CFAP299: variants seen among roughly 807,000 people sequenced by gnomAD.
CFAP299 encodes cilia- and flagella-associated protein 299.
Under a neutral mutation model 27.0 loss-of-function variants are expected in CFAP299, and 21 were observed. The ratio of observed to expected loss-of-function variants is 0.78; its 90% CI spans 0.55 to 1.12. CFAP299 has a LOEUF of 1.12. Among genes scored for constraint, CFAP299 ranks in the 50% most tolerant of loss-of-function variants. The probability of loss-of-function intolerance (pLI) is 0.00; values close to 1 mark genes in which losing one functional copy is unlikely to be tolerated. For synonymous variants in CFAP299, 104 were observed against 98.1 expected, an observed-to-expected ratio of 1.06 and a Z score of -0.36; for missense variants, 310 against 276.6, an observed-to-expected ratio of 1.12 and a Z score of -0.86.
intron 4 of CFAP299, among the ~76,000 whole-genome samples, chr4:80,885,012 A>G (rs1354248829): frequency 6.6e-6 from 1 of 152,170 alleles, no homozygotes; most frequent in Non-Finnish European, 1.5e-5. Flanking sequence ...ATACCCCAGC[A>G]ACAGTAATAC....
At chr4:80,909,503 A>G (rs1483776778) in intron 4 of CFAP299, among the ~76,000 whole-genome samples, 3 of 152,012 alleles carry the variant, frequency 2.0e-5, no homozygotes, top group Admixed American at 2.0e-4. Flanking sequence ...AACTATAAAT[A>G]TGATATGCAA....
intron 3 of CFAP299, among the ~76,000 whole-genome samples, chr4:80,770,994 T>G (rs1453189730): frequency 6.6e-6 from 1 of 152,164 alleles, no homozygotes; most frequent in African/African-American, 2.4e-5. Flanking sequence ...CTTACTGAAC[T>G]CAAAGTTAAC....
At chr4:80,505,813 A>G (rs1008373235) in intron 2 of CFAP299, among the ~76,000 whole-genome samples, 4 of 152,026 alleles carry the variant, frequency 2.6e-5, no homozygotes, top group African/African-American at 9.7e-5. Flanking sequence ...GCTTAGCTAA[A>G]CAGAGCGGAG....
At chr4:80,763,387 C>A (rs1184970801) in intron 3 of CFAP299, among the ~76,000 whole-genome samples, 1 of 152,126 alleles carries the variant, frequency 6.6e-6, no homozygotes, top group African/African-American at 2.4e-5. Context: ...CCTAGAAACA[C>A]AACTTAAAAG....
At chr4:80,503,255 C>T (rs1310222074) in intron 2 of CFAP299, among the ~76,000 whole-genome samples, 1 of 152,080 alleles carries the variant, frequency 6.6e-6, no homozygotes, top group East Asian at 1.9e-4. Flanking sequence ...TCCCTCTGAT[C>T]TGGTGTTTGG....
At position 80,524,359 on chromosome 4, in the gene CFAP299, T is replaced by C. The variant is rs141852976; in HGVS notation, c.243-58734T>C. ...CCAGAGTTTCTCAGCCTCAGCACTA[T>C]TGACAGTTTGTTTCTAGAGGGAAGC... On this transcript the variant is annotated intron_variant, in intron 2 of 5. Transcript: ENST00000358105. Among the ~76,000 whole-genome samples, 33 of 152,188 alleles carry C rather than the reference T, an allele frequency of 2.2e-4. No homozygotes were observed. In the East Asian group the frequency reaches 6.4e-3, roughly 29 times the overall value.
chr4:80,471,414 T>A (rs943255710), intron 2 of CFAP299, among the ~76,000 whole-genome samples: 2 of 151,856 alleles, frequency 1.3e-5, no homozygotes, highest in Non-Finnish European at 2.9e-5. Context: ...ATATTATGCC[T>A]TAAAATAGTA....
At chr4:80,586,559 CTG>C (rs1736452407) in intron 3 of CFAP299, among the ~76,000 whole-genome samples, 1 of 152,160 alleles carries the variant, frequency 6.6e-6, no homozygotes, top group Admixed American at 6.5e-5. Flanking sequence ...AACTTATAGT[CTG>C]TGCAAACCGC....
chr4:80,591,216 C>G (rs1205887036), intron 3 of CFAP299, among the ~76,000 whole-genome samples: 11 of 147,470 alleles, frequency 7.5e-5, no homozygotes, highest in Non-Finnish European at 1.6e-4. Context: ...CTCCGCCTCC[C>G]GGGTTCACGC....
chr4:80,464,172 C>A (rs1407927823), intron 2 of CFAP299, among the ~76,000 whole-genome samples: 1 of 151,990 alleles, frequency 6.6e-6, no homozygotes, highest in Non-Finnish European at 1.5e-5. Context: ...ATTATAACTC[C>A]CCAAAAATGT....
At chr4:80,826,400 A>T (rs897925323) in intron 3 of CFAP299, among the ~76,000 whole-genome samples, 10 of 151,802 alleles carry the variant, frequency 6.6e-5, no homozygotes, top group Non-Finnish European at 1.3e-4. Context: ...TAGACTAAAC[A>T]TTCCAATCAA....
chr4:80,405,406 TTTTCTC>T (rs1276153583), intron 2 of CFAP299, among the ~76,000 whole-genome samples: 1 of 152,202 alleles, frequency 6.6e-6, no homozygotes, highest in East Asian at 1.9e-4. Flanking sequence ...ATGCTTTTGA[TTTTCTC>T]TTTATGAAAT....
chr4:80,942,289 C>T (rs952555797), intron 4 of CFAP299, among the ~76,000 whole-genome samples: 2 of 152,080 alleles, frequency 1.3e-5, no homozygotes, highest in East Asian at 1.9e-4. Flanking sequence ...AGAGTACATG[C>T]GTTAGTCAGT....
chr4:80,611,039 A>G lies in CFAP299; in HGVS notation c.333+27856A>G, dbSNP rs577381420. Among the ~76,000 whole-genome samples, 115 of 152,146 alleles carry G rather than the reference A, an allele frequency of 7.6e-4. 1 individual carries two copies. The South Asian group carries it at 0.019, about 26-fold the overall frequency. ...GCCAAATGGTAAACCGCAGGACCAC[A>G]TGACTCAATTCCCTTGAGACAGTCA... On this transcript the variant is annotated intron_variant, in intron 3 of 5. Transcript: ENST00000358105.
At chr4:80,545,402 G>GA (rs1408284486) in intron 2 of CFAP299, among the ~76,000 whole-genome samples, 1 of 151,784 alleles carries the variant, frequency 6.6e-6, no homozygotes, top group Non-Finnish European at 1.5e-5. Context: ...AAAGATCAAT[G>GA]AAACTAAAAG....
intron 3 of CFAP299, among the ~76,000 whole-genome samples, chr4:80,810,203 T>A (rs984937162): frequency 2.0e-5 from 3 of 152,054 alleles, no homozygotes; most frequent in Admixed American, 6.6e-5. Flanking sequence ...ATTTCTGTAT[T>A]TTTTAGAATG....
At chr4:80,812,632 A>G (rs184874830) in intron 3 of CFAP299, among the ~76,000 whole-genome samples, 1 of 152,278 alleles carries the variant, frequency 6.6e-6, no homozygotes, top group South Asian at 2.1e-4. Flanking sequence ...CTTGCAGTCT[A>G]GTGCAGACAA....
chr4:80,502,402 C>T (rs924279176), intron 2 of CFAP299, among the ~76,000 whole-genome samples: 3 of 152,020 alleles, frequency 2.0e-5, no homozygotes, highest in Admixed American at 2.0e-4. Context: ...GAGTTTTGCA[C>T]CACATACCAA....
rs561905675 is a variant in CFAP299 at position 80,919,083 on chromosome 4, GT to G, written c.477-25724del. 2.2e-4 allele frequency among the ~76,000 whole-genome samples: 33 copies of G among 152,214 alleles called. No individual in the cohort carries two copies. In the South Asian group the frequency reaches 2.7e-3, roughly 12 times the overall value. Reference sequence around the variant, plus strand: ...GGACAAAATCCAGGAAGTGTCTGTAGTTTCCACAATTTGGCACTGAACCCAC... The same window carrying G: ...GGACAAAATCCAGGAAGTGTCTGTAGTTCCACAATTTGGCACTGAACCCAC... On this transcript the variant is annotated intron_variant, in intron 4 of 5. Transcript: ENST00000358105.
Sources: allele counts gnomAD v4.1 joint callset (sites outside exome capture counted in the v4.1 genomes callset), GRCh38; gene constraint gnomAD v4.1.1; transcripts MANE v1.5; gene names NCBI Gene and HGNC (gene_info 2026-07-23, HGNC 2026-07-21).